The following MBOAT1 variants were observed in gnomAD, a reference collection of about 807,000 sequenced individuals.
MBOAT1 encodes the protein membrane bound glycerophospholipid O-acyltransferase 1.
A neutral mutation model predicts 64.4 loss-of-function variants in MBOAT1; 67 were observed. The observed-to-expected ratio is 1.04, with a 90% CI of 0.85 to 1.27. The LOEUF is 1.27. Ranked by LOEUF, MBOAT1 falls within the 50% of genes most tolerant of loss-of-function variation. The pLI, the probability that MBOAT1 is intolerant of heterozygous loss-of-function variation, is 0.00. For missense variants in MBOAT1, 563 were observed against 604.6 expected, an observed-to-expected ratio of 0.93 and a Z score of 0.72; for synonymous variants, 229 against 218.9, an observed-to-expected ratio of 1.05 and a Z score of -0.41.
intron 1 of MBOAT1, among the ~76,000 whole-genome samples, chr6:20,167,177 G>T (rs543808948): frequency 6.6e-6 from 1 of 152,064 alleles, no homozygotes; most frequent in Non-Finnish European, 1.5e-5. Flanking sequence ...TTACTCAACC[G>T]TTCTGCAACT....
intron 9 of MBOAT1, among the ~76,000 whole-genome samples, chr6:20,115,946 C>A (rs564265610): frequency 1.3e-5 from 2 of 151,928 alleles, no homozygotes; most frequent in South Asian, 4.2e-4. Context: ...AAATCAACCA[C>A]CGAGGAAGAG....
chr6:20,142,412 T>A (rs1218304783), intron 4 of MBOAT1, among the ~76,000 whole-genome samples: 1 of 152,162 alleles, frequency 6.6e-6, no homozygotes, highest in Non-Finnish European at 1.5e-5. Flanking sequence ...TCATTGTTGT[T>A]CCTATGTTTT....
chr6:20,204,422 T>A (rs1763203238), intron 1 of MBOAT1, among the ~76,000 whole-genome samples: 1 of 152,184 alleles, frequency 6.6e-6, no homozygotes. Flanking sequence ...AGTAAGTAAC[T>A]ATGGAAAGAT....
chr6:20,181,258 G>A (rs1473325989), intron 1 of MBOAT1, among the ~76,000 whole-genome samples: 1 of 152,198 alleles, frequency 6.6e-6, no homozygotes, highest in Admixed American at 6.5e-5. Flanking sequence ...ACCTCTGGAT[G>A]GCCAGAGCAT....
Position 20,151,272 on chromosome 6 carries a change from A to T in MBOAT1, c.246-10T>A. ...AAGATGCACAGAGTACCTTTAAGAC[A>T]TAATAGTAGGGGGAGGAGTAATGAA... On this transcript the variant is annotated splice_polypyrimidine_tract_variant and intron_variant, in intron 2 of 12. Transcript: ENST00000324607. 1 of 1,594,138 alleles carries T rather than the reference A, an allele frequency of 6.3e-7. No homozygotes were observed. Among genetic ancestry groups the T allele is most frequent in the South Asian group, 1.1e-5 (1 of 90,478 alleles).
At chr6:20,205,622 C>A (rs576747732) in intron 1 of MBOAT1, among the ~76,000 whole-genome samples, 1 of 152,296 alleles carries the variant, frequency 6.6e-6, no homozygotes, top group East Asian at 1.9e-4. Context: ...GACCGCCCAT[C>A]TTCACACAGG....
At chr6:20,184,825 G>A (rs767473836) in intron 1 of MBOAT1, among the ~76,000 whole-genome samples, 1 of 150,912 alleles carries the variant, frequency 6.6e-6, no homozygotes, top group Non-Finnish European at 1.5e-5. Context: ...TGTCTACCTC[G>A]AACCACCTCT....
At chr6:20,137,341 G>A (rs1761027841) in intron 4 of MBOAT1, among the ~76,000 whole-genome samples, 1 of 152,158 alleles carries the variant, frequency 6.6e-6, no homozygotes, top group South Asian at 2.1e-4. Context: ...AAGAGTTCTT[G>A]CTGGGGCCCT....
At chr6:20,192,082 TA>T (rs1762817024) in intron 1 of MBOAT1, among the ~76,000 whole-genome samples, 1 of 152,284 alleles carries the variant, frequency 6.6e-6, no homozygotes, top group South Asian at 2.1e-4. Context: ...CTCAAGTGAC[TA>T]AGAATACACC....
chr6:20,163,820 G>A (rs1214708669), intron 1 of MBOAT1, among the ~76,000 whole-genome samples: 2 of 152,022 alleles, frequency 1.3e-5, no homozygotes. Context: ...GGTACAGAGG[G>A]TCAGAAGGGG....
chr6:20,187,910 T>G (rs1405450875), intron 1 of MBOAT1, among the ~76,000 whole-genome samples: 1 of 152,174 alleles, frequency 6.6e-6, no homozygotes, highest in Non-Finnish European at 1.5e-5. Flanking sequence ...GAGGATTGCT[T>G]GACCCCAGGA....
chr6:20,143,374 C>T (rs1761235783), intron 4 of MBOAT1, among the ~76,000 whole-genome samples: 1 of 152,172 alleles, frequency 6.6e-6, no homozygotes, highest in South Asian at 2.1e-4. Flanking sequence ...AGAAATTATC[C>T]TTCTAGTTGC....
At chr6:20,156,856 G>A (rs1761704139) in intron 1 of MBOAT1, among the ~76,000 whole-genome samples, 1 of 152,182 alleles carries the variant, frequency 6.6e-6, no homozygotes, top group Admixed American at 6.5e-5. Flanking sequence ...GGCAACAAAA[G>A]CCAAAACTGA....
Position 20,102,348 on chromosome 6 carries a change from G to C in MBOAT1, c.1426C>G (p.Gln476Glu). The change falls in exon 13 of 13, where the codon CAA becomes GAA. Residue 476 changes from glutamine (Q) to glutamate (E), a missense_variant. Transcript: ENST00000324607. The stretch of plus-strand genomic sequence containing the variant: ...TGAGGCCGCCTTTGCGTATGAGCTT[G>C]TGGTTTCATTGGCAGAAATAGTATT... ...LIILFLPMKP[Q>E]AHTQRRPQTL... is the part of the protein sequence containing the mutation. 6.2e-7 allele frequency: 1 copy of C among 1,613,678 alleles called. No homozygotes were observed. Among genetic ancestry groups the C allele is most frequent in the Non-Finnish European group, 8.5e-7 (1 of 1,179,648 alleles).
chr6:20,181,424 C>A (rs924050714), intron 1 of MBOAT1, among the ~76,000 whole-genome samples: 1 of 152,204 alleles, frequency 6.6e-6, no homozygotes, highest in African/African-American at 2.4e-5. Flanking sequence ...CCCTTTTCCA[C>A]CCCCACTTGA....
intron 1 of MBOAT1, among the ~76,000 whole-genome samples, chr6:20,197,980 C>A (rs1344846598): frequency 3.3e-5 from 5 of 152,052 alleles, no homozygotes; most frequent in African/African-American, 9.7e-5. Flanking sequence ...TAATCCAGCA[C>A]TTTGGGAGTC....
intron 1 of MBOAT1, among the ~76,000 whole-genome samples, chr6:20,164,827 T>C (rs1362914646): frequency 6.6e-6 from 1 of 152,172 alleles, no homozygotes; most frequent in East Asian, 1.9e-4. Flanking sequence ...GGTGTGAAAG[T>C]GACTTGCATT....
chr6:20,168,823 G>C (rs528567448), intron 1 of MBOAT1, among the ~76,000 whole-genome samples: 56 of 144,476 alleles, frequency 3.9e-4, no homozygotes, highest in Non-Finnish European at 7.1e-4. Flanking sequence ...GAGGAAGGAA[G>C]AGGAGAGGAC....
At chr6:20,197,709 G>A (rs1399927303) in intron 1 of MBOAT1, among the ~76,000 whole-genome samples, 1 of 152,252 alleles carries the variant, frequency 6.6e-6, no homozygotes, top group African/African-American at 2.4e-5. Context: ...GATGTCTCAT[G>A]TCTCCCTAAA....
Sources: gnomAD v4.1 joint callset for allele counts (sites outside exome capture counted in the v4.1 genomes callset) on GRCh38, gnomAD v4.1.1 for gene constraint, MANE v1.5 for transcripts, NCBI Gene and HGNC (gene_info 2026-07-23, HGNC 2026-07-21) for gene names.